RCBTB1: variants seen among roughly 807,000 people sequenced by gnomAD.
RCBTB1 encodes the protein RCC1 and BTB domain-containing protein 1.
In RCBTB1, 46 loss-of-function variants were observed where a neutral mutation model predicts 62.4. The observed-to-expected ratio is 0.74, with a 90% CI of 0.58 to 0.94. RCBTB1 has a LOEUF of 0.94. RCBTB1 is among the 40% of genes least tolerant of loss of function. The pLI is 0.00. For synonymous variants in RCBTB1, 222 were observed against 245.8 expected, an observed-to-expected ratio of 0.90 and a Z score of 0.91; for missense variants, 565 against 654.9, an observed-to-expected ratio of 0.86 and a Z score of 1.50.
chr13:49,552,021 C>T (rs1455442384), intron 7 of RCBTB1, among the ~76,000 whole-genome samples, 157 bp downstream of exon 7: 2 of 148,726 alleles, frequency 1.3e-5, no homozygotes, highest in East Asian at 2.0e-4. Context: ...TGCTTCTCCT[C>T]GTGGGAAATT....
chr13:49,583,059 C>T (rs1482278820), intron 1 of RCBTB1, among the ~76,000 whole-genome samples: 1 of 152,056 alleles, frequency 6.6e-6, no homozygotes, highest in Non-Finnish European at 1.5e-5. Context: ...CACCTGTGGT[C>T]CCAGCTACTT....
At position 49,560,168 on chromosome 13, in the gene RCBTB1, C is replaced by G; in HGVS notation, c.278-84G>C. On this transcript the variant is annotated intron_variant, in intron 4 of 12. Transcript: ENST00000378302. ...TCTTCCCCAGAACTTCGTACAGCTC[C>G]TTCTCCAACCTTCATTTCTCTCCCA... is the stretch of plus-strand genomic sequence containing the variant. The G allele has an allele frequency of 3.5e-6, 5 of 1,416,904 alleles. 1 individual carries two copies. The Middle Eastern group carries it at 5.5e-4, about 155-fold the overall frequency. 87.8% of individuals were successfully genotyped at this position (1,416,904 alleles called of 1,614,324 possible).
chr13:49,548,845 G>A (rs1170938304), intron 9 of RCBTB1, among the ~76,000 whole-genome samples: 4 of 148,300 alleles, frequency 2.7e-5, no homozygotes, highest in Non-Finnish European at 5.9e-5. Flanking sequence ...TTTCTTCTGG[G>A]GTGATTAAAA....
At chr13:49,554,162 C>A (rs1270008350) in intron 6 of RCBTB1, among the ~76,000 whole-genome samples, 1 of 152,098 alleles carries the variant, frequency 6.6e-6, no homozygotes, top group Non-Finnish European at 1.5e-5. Flanking sequence ...TAGGTATAAT[C>A]ATCCCATTTT....
intron 6 of RCBTB1, among the ~76,000 whole-genome samples, chr13:49,553,512 G>A (rs1345312616): frequency 6.6e-6 from 1 of 152,124 alleles, no homozygotes; most frequent in Non-Finnish European, 1.5e-5. Context: ...AGAGTGAGAG[G>A]AGGCCCATCT....
chr13:49,540,821 G>A, intron 12 of RCBTB1, 55 bp downstream of exon 12: 3 of 1,573,992 alleles, frequency 1.9e-6, no homozygotes, highest in Non-Finnish European at 2.6e-6. Context: ...AAGCGGGGGA[G>A]ACGAGCACAA....
intron 4 of RCBTB1, among the ~76,000 whole-genome samples, chr13:49,564,186 T>C (rs891096531): frequency 2.0e-5 from 3 of 152,212 alleles, no homozygotes; most frequent in African/African-American, 7.2e-5. Flanking sequence ...CATCCCCGGT[T>C]CTTTCAATAT....
chr13:49,578,537 C>T (rs1381419640), intron 2 of RCBTB1, among the ~76,000 whole-genome samples: 3 of 152,030 alleles, frequency 2.0e-5, no homozygotes, highest in African/African-American at 2.4e-5. Context: ...AAAGTCAGAT[C>T]CTAAGTAAGT....
intron 10 of RCBTB1, among the ~76,000 whole-genome samples, chr13:49,543,207 T>C (rs993250610): frequency 6.6e-6 from 1 of 152,024 alleles, no homozygotes; most frequent in Non-Finnish European, 1.5e-5. Context: ...GAGGTTGCAG[T>C]GAGCTGGTAT....
intron 10 of RCBTB1, 66 bp downstream of exon 10, chr13:49,544,671 C>A (rs966812580): frequency 7.4e-7 from 1 of 1,349,818 alleles, no homozygotes; most frequent in Non-Finnish European, 1.0e-6. Flanking sequence ...TATCAGTACT[C>A]ATTTTGTGGA....
chr13:49,537,054 T>A (rs1959997238), intron 12 of RCBTB1, among the ~76,000 whole-genome samples: 1 of 152,184 alleles, frequency 6.6e-6, no homozygotes, highest in East Asian at 1.9e-4. Flanking sequence ...CTAAGGGAGT[T>A]CTTACCCTGT....
At chr13:49,563,509 A>C (rs1016909979) in intron 4 of RCBTB1, among the ~76,000 whole-genome samples, 3 of 152,118 alleles carry the variant, frequency 2.0e-5, no homozygotes, top group African/African-American at 7.2e-5. Flanking sequence ...CTAAAAACAC[A>C]AAAATTAGCC....
intron 9 of RCBTB1, chr13:49,546,742 C>A (rs915844286): frequency 6.3e-6 from 1 of 157,976 alleles, no homozygotes; most frequent in South Asian, 2.0e-4. Context: ...AATCTAATAC[C>A]GCTGCTGATC....
chr13:49,558,798 T>G (rs1376122406), intron 5 of RCBTB1, among the ~76,000 whole-genome samples: 1 of 152,106 alleles, frequency 6.6e-6, no homozygotes, highest in African/African-American at 2.4e-5. Context: ...GTCACATTTG[T>G]GATCGTTTGC....
intron 1 of RCBTB1, among the ~76,000 whole-genome samples, chr13:49,583,107 G>A (rs1451092840): frequency 1.3e-5 from 2 of 152,094 alleles, no homozygotes; most frequent in African/African-American, 4.8e-5. Flanking sequence ...GGAGTTTGAG[G>A]CTGCAGTGAG....
intron 2 of RCBTB1, among the ~76,000 whole-genome samples, chr13:49,576,811 CTTT>C (rs968974780): frequency 5.9e-5 from 9 of 151,694 alleles, no homozygotes; most frequent in Admixed American, 5.9e-4. Flanking sequence ...AATTACCACT[CTTT>C]ATGAGTTATT....
rs186646155 is a variant in RCBTB1, at chr13:49,559,822, A to G, written c.444+96T>C. 1.7e-5 allele frequency: 19 copies of G among 1,146,204 alleles called. No individual in the cohort carries two copies. The Admixed American group carries it at 4.3e-4, about 26-fold the overall frequency. The allele number at this position is 1,146,204 out of a possible 1,614,324, so 71.0% of individuals were successfully genotyped here. On this transcript the variant is annotated intron_variant, in intron 5 of 12. Transcript: ENST00000378302. ...TGAACATACTTAACACCACTGAACT[A>G]TACACTTAAAACTGGTGAAGCTGGT...
chr13:49,535,166 G>A (rs988913254), intron 12 of RCBTB1, among the ~76,000 whole-genome samples: 10 of 152,114 alleles, frequency 6.6e-5, no homozygotes, highest in African/African-American at 1.9e-4. Context: ...CCCCACAGAA[G>A]TATATTTACA....
chr13:49,549,599 T>C lies in RCBTB1; in HGVS notation c.904A>G (p.Thr302Ala). Residue 302 changes from threonine to alanine, a missense_variant, in exon 9 of 13, where the codon ACG becomes GCG. Thr to Ala is a moderately conservative substitution (Grantham distance 58, BLOSUM62 0). Transcript: ENST00000378302. ...CACATGTACACGTGCCCACCCTGCG[T>C]CTTGGCTGCAGACGTGTGGGCAGAG... ...CHSAHTSAAKTQGGHVYMWGQ... is the reference protein window; with the variant it reads ...CHSAHTSAAKAQGGHVYMWGQ... The C allele has an allele frequency of 6.2e-7, 1 of 1,614,076 alleles. No individual in the cohort carries two copies. Among genetic ancestry groups the C allele is most frequent in the Non-Finnish European group, 8.5e-7 (1 of 1,179,944 alleles).
Sources: allele counts gnomAD v4.1 joint callset (sites outside exome capture counted in the v4.1 genomes callset), GRCh38; gene constraint gnomAD v4.1.1; transcripts MANE v1.5; gene names NCBI Gene and HGNC (gene_info 2026-07-23, HGNC 2026-07-21).